Variants in STON2 observed in about 807,000 individuals in gnomAD.
The protein encoded by STON2 is stonin-2.
STON2 carries 29 observed loss-of-function variants against 65.7 expected under a neutral mutation model. The ratio of observed to expected loss-of-function variants is 0.44; its 90% CI spans 0.33 to 0.60. The LOEUF (loss-of-function observed/expected upper bound fraction) is 0.60. Among genes scored for constraint, STON2 ranks in the 20% least tolerant of loss-of-function variants. STON2 has a pLI of 0.03. For missense variants in STON2, 1,054 were observed against 1,118.1 expected (o/e 0.94, Z 0.82); for synonymous variants, 404 against 414.2 (o/e 0.98, Z 0.30).
chr14:81,308,851 TACAC>T lies in STON2; in HGVS notation c.742+15162_742+15165del, dbSNP rs1896308941. Reference sequence around the variant, plus strand: ...GTGTGTGTGTGTATATATATATATATACACATACATACATACATACATACATACA... The same window carrying T: ...GTGTGTGTGTGTATATATATATATATATACATACATACATACATACATACA... On this transcript the variant is annotated intron_variant, in intron 5 of 7. Transcript: ENST00000614646. Among the ~76,000 whole-genome samples the T allele has an allele frequency of 5.2e-4, 5 of 9,668 alleles. No individual in the cohort carries two copies. The South Asian group carries it at 8.3e-3, about 16-fold the overall frequency. 6.3% of individuals were successfully genotyped at this position (9,668 alleles called of 152,430 possible).
chr14:81,320,162 C>T (rs968158611), intron 5 of STON2, among the ~76,000 whole-genome samples: 1 of 151,938 alleles, frequency 6.6e-6, no homozygotes, highest in Non-Finnish European at 1.5e-5. Context: ...CCACAGCAAG[C>T]AAGCCCATTC....
chr14:81,322,567 T>C (rs1896859423), intron 5 of STON2, among the ~76,000 whole-genome samples: 1 of 152,104 alleles, frequency 6.6e-6, no homozygotes, highest in Non-Finnish European at 1.5e-5. Context: ...AACAAACTAC[T>C]GGCATTATCA....
intron 2 of STON2, among the ~76,000 whole-genome samples, chr14:81,410,278 C>CAAAAAAAAAAAAAAAAAAAAAAAAAAAA (rs1161157573): frequency 4.4e-5 from 2 of 45,776 alleles, no homozygotes; most frequent in African/African-American, 6.4e-5. Flanking sequence ...TAACTCTAAC[C>CAAAAAAAAAAAAAAAAAAAAAAAAAAAA]AAAAAAAAAA....
Position 81,261,828 on chromosome 14 carries a change from G to T in STON2, c.*6586C>A. The T allele has an allele frequency of 6.5e-7, 1 of 1,533,650 alleles. No individual in the cohort carries two copies. The highest frequency in any genetic ancestry group is 2.0e-5 in the Admixed American group (1 of 50,014). On this transcript the variant is annotated 3_prime_UTR_variant, in exon 8 of 8. Coordinates refer to ENST00000614646, the MANE Select transcript of STON2 (RefSeq NM_001394390.1). Reference sequence around the variant, plus strand: ...TGATGCCAGTGGAACTTCCAAAGAAGCATTCCACCTGATCTTCACCACCCT... The same window carrying T: ...TGATGCCAGTGGAACTTCCAAAGAATCATTCCACCTGATCTTCACCACCCT...
At chr14:81,284,071 T>C (rs966599827) in intron 5 of STON2, among the ~76,000 whole-genome samples, 1 of 152,212 alleles carries the variant, frequency 6.6e-6, no homozygotes, top group South Asian at 2.1e-4. Flanking sequence ...CAATAAAATG[T>C]GTGTGTTCTG....
intron 2 of STON2, among the ~76,000 whole-genome samples, chr14:81,410,265 A>AT (rs759914077): frequency 1.5e-5 from 2 of 135,502 alleles, no homozygotes; most frequent in Non-Finnish European, 3.1e-5. Flanking sequence ...ATGCAGATGA[A>AT]TGTAACTCTA....
chr14:81,271,045 T>C (rs1243309725), intron 6 of STON2, among the ~76,000 whole-genome samples, 173 bp from the exon 7 acceptor site: 1 of 152,148 alleles, frequency 6.6e-6, no homozygotes, highest in Non-Finnish European at 1.5e-5. Context: ...TTCACGCTCC[T>C]GTATGCCTCA....
In STON2 at chr14:81,343,869, C is replaced by A. The variant is rs141260885; in HGVS notation, c.572-19682G>T. Among the ~76,000 whole-genome samples the A allele has an allele frequency of 1.1e-3, 169 of 152,216 alleles. 1 individual carries two copies. Among genetic ancestry groups the A allele is most frequent in the African/African-American group, 3.9e-3 (163 of 41,512 alleles). Reference sequence around the variant, plus strand: ...TTCTACAGCTGAGGAAACTAAAGGTCAGTGAGGTTACATGATTTGCCCAAT... The same window carrying A: ...TTCTACAGCTGAGGAAACTAAAGGTAAGTGAGGTTACATGATTTGCCCAAT... On this transcript the variant is annotated intron_variant, in intron 4 of 7. Transcript: ENST00000614646.
At chr14:81,338,154 T>C (rs1048452095) in intron 4 of STON2, among the ~76,000 whole-genome samples, 6 of 152,116 alleles carry the variant, frequency 3.9e-5, no homozygotes, top group African/African-American at 9.7e-5. Flanking sequence ...TTTGTCCTAA[T>C]GAGGCAACTC....
At position 81,278,369 on chromosome 14, in the gene STON2, AG is replaced by A; in HGVS notation, c.1112del (p.Pro371LeufsTer3). On this transcript the variant is annotated frameshift_variant, in exon 6 of 8. Coordinates refer to ENST00000614646, the MANE Select transcript of STON2 (RefSeq NM_001394390.1). LOFTEE classifies it high-confidence loss of function. ...CATCCTGCAGAGTCTCATTCAGGAA[AG>A]GGTTGGTTGCCCTCCAAGGTGAAGC... ...TEASPWRATN[P>X]FLNETLQDVQ... 2.5e-6 allele frequency: 4 copies of A among 1,614,224 alleles called. No individual in the cohort carries two copies. Among genetic ancestry groups the A allele is most frequent in the Non-Finnish European group, 3.4e-6 (4 of 1,180,054 alleles).
At chr14:81,298,856 T>C (rs1895865766) in intron 5 of STON2, among the ~76,000 whole-genome samples, 1 of 152,220 alleles carries the variant, frequency 6.6e-6, no homozygotes, top group Non-Finnish European at 1.5e-5. Flanking sequence ...TAGAAATGTG[T>C]TTGAAGTGTA....
intron 5 of STON2, among the ~76,000 whole-genome samples, chr14:81,296,837 C>G (rs1187826460): frequency 6.6e-6 from 1 of 152,144 alleles, no homozygotes; most frequent in African/African-American, 2.4e-5. Flanking sequence ...AAATAAAGAA[C>G]AAATACTCCC....
In STON2 at chr14:81,412,503, T is replaced by C. The variant is rs977771131; in HGVS notation, c.-198-13923A>G. Among the ~76,000 whole-genome samples, 4 of 139,876 alleles carry C rather than the reference T, an allele frequency of 2.9e-5. 1 individual carries two copies. The highest frequency in any genetic ancestry group is 5.1e-4 in the East Asian group (2 of 3,940). The allele number at this position is 139,876 out of a possible 152,430, so 91.8% of individuals were successfully genotyped here. A position where few individuals can be genotyped will look rare whatever the true frequency, so the allele number is the denominator to read the frequency against. On this transcript the variant is annotated intron_variant, in intron 2 of 8. Coordinates refer to the STON2 transcript ENST00000553821. ...GCCAGTTACAAAACGACAAATACTA[T>C]ATGATTCCACTTACATGAAGTACTT...
upstream of STON2, among the ~76,000 whole-genome samples, chr14:81,401,077 C>T (rs775665809): frequency 1.3e-5 from 2 of 152,156 alleles, no homozygotes; most frequent in African/African-American, 2.4e-5. Context: ...CCCAACGTTG[C>T]GTAACTTGTT....
intron 2 of STON2, among the ~76,000 whole-genome samples, chr14:81,406,326 G>A (rs142499704): frequency 4.6e-5 from 7 of 152,120 alleles, no homozygotes; most frequent in Non-Finnish European, 7.4e-5. Flanking sequence ...GGCTTTGCTA[G>A]GGTAGCTTAA....
intron 5 of STON2, among the ~76,000 whole-genome samples, chr14:81,304,628 T>A (rs1179862136): frequency 5.3e-5 from 8 of 152,076 alleles, no homozygotes; most frequent in Non-Finnish European, 1.2e-4. Context: ...CTCAGGAGGC[T>A]GAGGCATGAG....
chr14:81,370,788 A>G (rs1898947320), intron 4 of STON2, among the ~76,000 whole-genome samples, 200 bp downstream of exon 4: 1 of 152,216 alleles, frequency 6.6e-6, no homozygotes, highest in African/African-American at 2.4e-5. Context: ...TAATCTGCCA[A>G]CCAAGGATCC....
intron 5 of STON2, among the ~76,000 whole-genome samples, chr14:81,304,444 CG>C (rs1458503311): frequency 6.6e-6 from 1 of 152,002 alleles, no homozygotes; most frequent in East Asian, 1.9e-4. Context: ...GAATCAGGGC[CG>C]GGCATGGTGG....
In STON2 at chr14:81,265,414, G is replaced by GAAA. The variant is rs575373714; in HGVS notation, c.*2999_*3000insTTT. The GAAA allele has an allele frequency of 7.2e-4, 650 of 905,864 alleles. No homozygotes were observed. The highest frequency in any genetic ancestry group is 6.9e-3 in the Middle Eastern group (12 of 1,744). The allele number at this position is 905,864 out of a possible 1,614,324, so 56.1% of individuals were successfully genotyped here. On this transcript the variant is annotated 3_prime_UTR_variant, in exon 8 of 8. Coordinates refer to ENST00000614646, the MANE Select transcript of STON2 (RefSeq NM_001394390.1). ...TCACGCCTGTAATCCCAGAGCTTTG[G>GAAA]GAGACTGAGGCAGGCTTATCACCTG...
Sources: allele counts gnomAD v4.1 joint callset (sites outside exome capture counted in the v4.1 genomes callset), GRCh38; gene constraint gnomAD v4.1.1; transcripts MANE v1.5; gene names NCBI Gene and HGNC (gene_info 2026-07-23, HGNC 2026-07-21).